SPINK13: variants seen among roughly 807,000 people sequenced by gnomAD.
SPINK13 encodes serine protease inhibitor Kazal-type 13.
SPINK13 carries 11 observed loss-of-function variants against 11.0 expected under a neutral mutation model. The ratio of observed to expected loss-of-function variants is 1.00; its 90% CI spans 0.63 to 1.65. SPINK13 has a LOEUF of 1.65. Among genes scored for constraint, SPINK13 ranks in the 40% most tolerant of loss-of-function variants. The probability of loss-of-function intolerance (pLI) is 0.00; values close to 1 mark genes in which losing one functional copy is unlikely to be tolerated. For synonymous variants in SPINK13, 31 were observed against 35.6 expected (o/e 0.87, Z 0.46); for missense variants, 113 against 117.7 (o/e 0.96, Z 0.19).
intron 3 of SPINK13, among the ~76,000 whole-genome samples, chr5:148,275,538 T>C (rs1756412445): frequency 6.6e-6 from 1 of 152,232 alleles, no homozygotes; most frequent in Non-Finnish European, 1.5e-5. Flanking sequence ...TTTCTAGTTC[T>C]AGATCCTTGC....
chr5:148,275,236 T>C (rs1272225797), intron 3 of SPINK13, among the ~76,000 whole-genome samples: 8 of 152,154 alleles, frequency 5.3e-5, no homozygotes. Flanking sequence ...CATATGGTGT[T>C]TGGTTTTCTG....
chr5:148,283,042 G>C (rs1756540726), intron 4 of SPINK13, among the ~76,000 whole-genome samples: 1 of 152,114 alleles, frequency 6.6e-6, no homozygotes, highest in African/African-American at 2.4e-5. Flanking sequence ...GACCAAAGAT[G>C]CATGAGGTGG....
Position 148,286,143 on chromosome 5 carries a change from C to A in SPINK13, c.*95C>A. 3 of 752,556 alleles carry A rather than the reference C, an allele frequency of 4.0e-6. No homozygotes were observed. The highest frequency in any genetic ancestry group is 6.0e-6 in the Non-Finnish European group (3 of 500,524). 46.6% of individuals were successfully genotyped at this position (752,556 alleles called of 1,614,324 possible). ...GTGAGAATGTAAATTAAATAACATC[C>A]CTATGCTGTACTTAAATGTCGAACA... On this transcript the variant is annotated 3_prime_UTR_variant, in exon 5 of 5. Transcript: ENST00000398450.
At chr5:148,278,926 G>A (rs1051403774) in intron 3 of SPINK13, among the ~76,000 whole-genome samples, 6 of 152,032 alleles carry the variant, frequency 3.9e-5, no homozygotes, top group African/African-American at 4.8e-5. Flanking sequence ...CTAAGAACTT[G>A]CTTTATGAAT....
At chr5:148,273,461 ATT>A (rs1381581491) in intron 2 of SPINK13, among the ~76,000 whole-genome samples, 12 of 152,106 alleles carry the variant, frequency 7.9e-5, no homozygotes, top group African/African-American at 2.4e-4. Context: ...TATACATGTA[ATT>A]TTGTTTCATT....
intron 3 of SPINK13, among the ~76,000 whole-genome samples, chr5:148,279,109 T>C: frequency 7.1e-6 from 1 of 141,830 alleles, no homozygotes; most frequent in Non-Finnish European, 1.5e-5. Context: ...TTTTTTTTTT[T>C]TTTTTTTGCT....
chr5:148,280,511 G>A (rs111862657), intron 3 of SPINK13, among the ~76,000 whole-genome samples: 4,570 of 152,178 alleles, frequency 0.03, 217 homozygotes, highest in African/African-American at 0.1. Context: ...TATTGCTTTC[G>A]TTTGTTAGTT....
intron 3 of SPINK13, among the ~76,000 whole-genome samples, chr5:148,275,262 G>T (rs989834489): frequency 1.1e-4 from 17 of 152,092 alleles, no homozygotes; most frequent in Admixed American, 6.5e-5. Context: ...GTGTTAATTT[G>T]CTGAGAATGA....
At position 148,275,905 on chromosome 5, in the gene SPINK13, C is replaced by A. The variant is rs10075433; in HGVS notation, c.108+1521C>A. 5.1e-3 allele frequency among the ~76,000 whole-genome samples: 771 copies of A among 152,168 alleles called. 8 individuals carry two copies. The highest frequency in any genetic ancestry group is 0.018 in the African/African-American group (733 of 41,524). On this transcript the variant is annotated intron_variant, in intron 3 of 4. Transcript: ENST00000398450. ...CTCAATCTCCTGACCTCGTGGTCTG[C>A]CCGCCTCCGCCTCCCAAAGTGCTGG... is the stretch of plus-strand genomic sequence containing the variant.
At chr5:148,282,059 G>A in intron 3 of SPINK13, 45 bp from the exon 4 acceptor site, 1 of 1,606,424 alleles carries the variant, frequency 6.2e-7, no homozygotes, top group Non-Finnish European at 8.5e-7. Context: ...AAATAGATGG[G>A]AGAGAGTGTA....
chr5:148,274,441 A>C (rs1756394969), intron 3 of SPINK13, 57 bp downstream of exon 3: 3 of 1,417,522 alleles, frequency 2.1e-6, no homozygotes, highest in Non-Finnish European at 3.0e-6. Flanking sequence ...CTCTCCAGAC[A>C]TGAGAGATCT....
At chr5:148,280,625 A>T (rs1328307688) in intron 3 of SPINK13, among the ~76,000 whole-genome samples, 4 of 152,178 alleles carry the variant, frequency 2.6e-5, no homozygotes, top group Admixed American at 2.0e-4. Flanking sequence ...GCAGAACAGC[A>T]AAGATTGCTG....
chr5:148,273,782 AAT>A (rs1173853688), intron 2 of SPINK13, among the ~76,000 whole-genome samples: 1 of 152,222 alleles, frequency 6.6e-6, no homozygotes, highest in Non-Finnish European at 1.5e-5. Flanking sequence ...AGCATAATAC[AAT>A]AAGTACTTTC....
At chr5:148,269,765 C>T (rs1756319353) in intron 1 of SPINK13, among the ~76,000 whole-genome samples, 1 of 152,110 alleles carries the variant, frequency 6.6e-6, no homozygotes. Context: ...GACTTTGAGT[C>T]AGCCCTGATG....
chr5:148,281,975 G>A, intron 3 of SPINK13, 129 bp from the exon 4 acceptor site: 1 of 1,326,558 alleles, frequency 7.5e-7, no homozygotes, highest in Non-Finnish European at 1.0e-6. Flanking sequence ...CCACAGAACA[G>A]TGAATCCTTG....
At position 148,285,863 on chromosome 5, in the gene SPINK13, A is replaced by G. The variant is rs148790770; in HGVS notation, c.237-137A>G. The stretch of plus-strand genomic sequence containing the variant: ...TAGTGGTAACAAACAAAAATGAAAA[A>G]AAAAAAGAAGGATGTAAAGGGAATT... On this transcript the variant is annotated intron_variant, in intron 4 of 4. Coordinates refer to ENST00000398450, the MANE Select transcript of SPINK13 (RefSeq NM_001040129.3). 466 of 487,534 alleles carry G rather than the reference A, an allele frequency of 9.6e-4. 2 individuals are homozygous for G. Among genetic ancestry groups the G allele is most frequent in the African/African-American group, 8.6e-3 (417 of 48,308 alleles). The allele number at this position is 487,534 out of a possible 1,614,324, so 30.2% of individuals were successfully genotyped here. A position where few individuals can be genotyped will look rare whatever the true frequency, so the allele number is the denominator to read the frequency against.
At chr5:148,275,958 A>G (rs10053194) in intron 3 of SPINK13, among the ~76,000 whole-genome samples, 31,794 of 151,592 alleles carry the variant, frequency 0.21, 9,698 homozygotes, top group African/African-American at 0.67. Flanking sequence ...ACTGCGCCCG[A>G]CCTGTTTCCT....
At chr5:148,285,340 C>T (rs1311983208) in intron 4 of SPINK13, among the ~76,000 whole-genome samples, 1 of 152,030 alleles carries the variant, frequency 6.6e-6, no homozygotes, top group African/African-American at 2.4e-5. Flanking sequence ...TGGGAAGTCT[C>T]TTGAAGAACG....
At chr5:148,280,506 C>T (rs1298237501) in intron 3 of SPINK13, among the ~76,000 whole-genome samples, 1 of 152,150 alleles carries the variant, frequency 6.6e-6, no homozygotes, top group Non-Finnish European at 1.5e-5. Flanking sequence ...GATACTATTG[C>T]TTTCGTTTGT....
Sources: allele counts gnomAD v4.1 joint callset (sites outside exome capture counted in the v4.1 genomes callset), GRCh38; gene constraint gnomAD v4.1.1; transcripts MANE v1.5; gene names NCBI Gene and HGNC (gene_info 2026-07-23, HGNC 2026-07-21).